The following KIRREL3 variants were observed in gnomAD, a reference collection of about 807,000 sequenced individuals.
The protein encoded by KIRREL3 is kirre like nephrin family adhesion molecule 3.
In KIRREL3, 36 loss-of-function variants were observed where a neutral mutation model predicts 89.7. That is an observed-to-expected ratio of 0.40 (90% CI 0.31 to 0.53). The LOEUF (loss-of-function observed/expected upper bound fraction) is 0.53, where lower values mean the gene tolerates loss of function less well. Ranked by LOEUF, KIRREL3 falls within the 20% of genes least tolerant of loss-of-function variation. KIRREL3 has a pLI of 0.49. For missense variants in KIRREL3, 864 were observed against 1,056.6 expected (o/e 0.82, Z 2.53); for synonymous variants, 445 against 441.4 (o/e 1.01, Z -0.10).
rs1350427705 is a variant in KIRREL3 at position 126,491,328 on chromosome 11, G to T, written c.434-17862C>A. Reference sequence around the variant, plus strand: ...AGCCCAAGGAGGGCGGGCGCGTGCTGGCTCTGAGCGGGTGCTTTATTGTGT... The same window carrying T: ...AGCCCAAGGAGGGCGGGCGCGTGCTTGCTCTGAGCGGGTGCTTTATTGTGT... On this transcript the variant is annotated intron_variant, in intron 4 of 16. Coordinates refer to ENST00000525144, the MANE Select transcript of KIRREL3 (RefSeq NM_032531.4). This position sits in a 1 kb window ranked among gnomAD's most constrained non-coding sequence, Gnocchi z 5.5. Among the ~76,000 whole-genome samples the T allele has an allele frequency of 1.3e-5, 2 of 152,226 alleles. No homozygotes were observed. Among genetic ancestry groups the T allele is most frequent in the Non-Finnish European group, 2.9e-5 (2 of 68,038 alleles).
chr11:126,654,340 T>A (rs1021159831), intron 1 of KIRREL3, among the ~76,000 whole-genome samples: 1 of 37,764 alleles, frequency 2.6e-5, no homozygotes, highest in Non-Finnish European at 8.0e-5. Flanking sequence ...ACTGAAAGTT[T>A]TTTTTTTTTT....
intron 1 of KIRREL3, among the ~76,000 whole-genome samples, chr11:126,737,131 C>A (rs2134209384): frequency 6.6e-6 from 1 of 152,248 alleles, no homozygotes; most frequent in South Asian, 2.1e-4. Context: ...GATGTGCTTG[C>A]CAAGGGGAAA....
intron 1 of KIRREL3, among the ~76,000 whole-genome samples, chr11:126,737,684 C>T (rs758428706): frequency 3.9e-5 from 6 of 152,158 alleles, no homozygotes; most frequent in Non-Finnish European, 7.3e-5. Flanking sequence ...TTTTTAGACA[C>T]AGTGAGCTAG....
At chr11:126,470,877 G>C (rs1956867025) in intron 5 of KIRREL3, among the ~76,000 whole-genome samples, 2 of 152,210 alleles carry the variant, frequency 1.3e-5, no homozygotes, top group Admixed American at 6.5e-5. Flanking sequence ...AGACAAAAGA[G>C]GTTGGCCCAG....
At chr11:126,959,653 A>G (rs899632080) in intron 1 of KIRREL3, among the ~76,000 whole-genome samples, 20 of 152,116 alleles carry the variant, frequency 1.3e-4, no homozygotes, top group African/African-American at 4.3e-4. Context: ...AGATATCTCA[A>G]TGTTCTCCCG....
rs1051380472 is a variant in KIRREL3, at chr11:126,430,201, T to C, written c.1697-913A>G. ...GGCTCACGCCTGTAATCCCAGCACA[T>C]TGGGAGGCCGAGGAAGGCGGACCAC... On this transcript the variant is annotated intron_variant, in intron 14 of 16. Coordinates refer to ENST00000525144, the MANE Select transcript of KIRREL3 (RefSeq NM_032531.4). This position sits in a 1 kb window ranked among gnomAD's most constrained non-coding sequence, Gnocchi z 6.6. Among the ~76,000 whole-genome samples the C allele has an allele frequency of 2.0e-5, 3 of 151,206 alleles. No homozygotes were observed. Among genetic ancestry groups the C allele is most frequent in the Admixed American group, 6.6e-5 (1 of 15,184 alleles).
At position 126,558,128 on chromosome 11, in the gene KIRREL3, C is replaced by T. The variant is rs1332204283; in HGVS notation, c.133+4707G>A. 6.6e-6 allele frequency among the ~76,000 whole-genome samples: 1 copy of T among 152,202 alleles called. No individual in the cohort carries two copies. Among genetic ancestry groups the T allele is most frequent in the Non-Finnish European group, 1.5e-5 (1 of 68,032 alleles). On this transcript the variant is annotated intron_variant, in intron 2 of 16. Transcript: ENST00000525144. The surrounding 1 kb of genome is among the most constrained non-coding windows in gnomAD (Gnocchi z 4.0). ...CACCAGTGTGAGGGAGGAGTACCCT[C>T]CTGTGCAGGCCCCCCTCTGCCCCAA...
At chr11:126,730,487 A>G (rs1405091393) in intron 1 of KIRREL3, among the ~76,000 whole-genome samples, 1 of 152,116 alleles carries the variant, frequency 6.6e-6, no homozygotes, top group Non-Finnish European at 1.5e-5. Flanking sequence ...CATACTACAT[A>G]AGTTTGCTTA....
At position 126,423,530 on chromosome 11, in the gene KIRREL3, G is replaced by A. The variant is rs1035812937; in HGVS notation, c.*1050C>T. 3 of 152,302 alleles carry A rather than the reference G, an allele frequency of 2.0e-5. 1 individual carries two copies. The South Asian group carries it at 6.2e-4, about 32-fold the overall frequency. The allele number at this position is 152,302 out of a possible 1,614,324, so 9.4% of individuals were successfully genotyped here. On this transcript the variant is annotated 3_prime_UTR_variant, in exon 17 of 17. Coordinates refer to ENST00000525144, the MANE Select transcript of KIRREL3 (RefSeq NM_032531.4). The stretch of plus-strand genomic sequence containing the variant: ...GTCCCTAACATTTATTTCAGGTGGT[G>A]ACTAGGAGGGTTGAGGTGTAGATAT...
chr11:126,507,274 G>A (rs1484832068), intron 4 of KIRREL3, among the ~76,000 whole-genome samples: 3 of 152,138 alleles, frequency 2.0e-5, no homozygotes, highest in Non-Finnish European at 4.4e-5. Context: ...TGTGGGGGTG[G>A]TTGCACAACT....
intron 1 of KIRREL3, among the ~76,000 whole-genome samples, chr11:126,700,882 C>T (rs1947289774): frequency 6.6e-6 from 1 of 152,230 alleles, no homozygotes; most frequent in Admixed American, 6.5e-5. Context: ...AGCTCAGTTC[C>T]TTTAAACCCA....
chr11:126,577,636 C>T (rs375927071), intron 1 of KIRREL3, among the ~76,000 whole-genome samples: 1 of 149,076 alleles, frequency 6.7e-6, no homozygotes, highest in Non-Finnish European at 1.5e-5. Context: ...GTGGCAGGTG[C>T]CTGTAACCCC....
At chr11:126,809,499 G>A (rs191936233) in intron 1 of KIRREL3, among the ~76,000 whole-genome samples, 1 of 152,296 alleles carries the variant, frequency 6.6e-6, no homozygotes, top group East Asian at 1.9e-4. Flanking sequence ...AGAATAATAA[G>A]GGTTATAAGT....
chr11:126,500,240 C>A (rs562068836), intron 4 of KIRREL3, among the ~76,000 whole-genome samples: 2 of 152,306 alleles, frequency 1.3e-5, no homozygotes, highest in South Asian at 2.1e-4. Context: ...GTGAGGCTAG[C>A]GTGACTGACT....
At chr11:126,784,432 A>ATAC (rs1404543592) in intron 1 of KIRREL3, among the ~76,000 whole-genome samples, 3 of 152,330 alleles carry the variant, frequency 2.0e-5, no homozygotes, top group Admixed American at 2.0e-4. Context: ...AATAATAATA[A>ATAC]TAAGTGAACA....
At chr11:126,988,205 G>A (rs1254337280) in intron 1 of KIRREL3, among the ~76,000 whole-genome samples, 1 of 152,188 alleles carries the variant, frequency 6.6e-6, no homozygotes, top group African/African-American at 2.4e-5. Flanking sequence ...AAGGGAAGCT[G>A]GGTGATGATG....
At chr11:126,785,522 C>T (rs77060739) in intron 1 of KIRREL3, among the ~76,000 whole-genome samples, 2,801 of 152,160 alleles carry the variant, frequency 0.018, 80 homozygotes, top group African/African-American at 0.06. Context: ...GTGTTACCGT[C>T]TGATGCAATG....
chr11:126,474,601 C>T lies in KIRREL3; in HGVS notation c.434-1135G>A, dbSNP rs1248257180. Among the ~76,000 whole-genome samples the T allele has an allele frequency of 6.6e-6, 1 of 152,246 alleles. No individual in the cohort carries two copies. The highest frequency in any genetic ancestry group is 1.5e-5 in the Non-Finnish European group (1 of 68,042). On this transcript the variant is annotated intron_variant, in intron 4 of 16. Coordinates refer to ENST00000525144, the MANE Select transcript of KIRREL3 (RefSeq NM_032531.4). This position sits in a 1 kb window ranked among gnomAD's most constrained non-coding sequence, Gnocchi z 6.7. Reference sequence around the variant, plus strand: ...ATCCCCAGAGGCAGCCTGATTCTCTCCTGTCCCAGCCTTCCACTGCATTTT... The same window carrying T: ...ATCCCCAGAGGCAGCCTGATTCTCTTCTGTCCCAGCCTTCCACTGCATTTT...
intron 2 of KIRREL3, among the ~76,000 whole-genome samples, chr11:126,549,130 C>G (rs1337639847): frequency 3.3e-5 from 5 of 152,204 alleles, no homozygotes; most frequent in African/African-American, 1.2e-4. Context: ...TTCCATTGCT[C>G]TATTTGTCCC....
Sources: allele counts gnomAD v4.1 joint callset (sites outside exome capture counted in the v4.1 genomes callset), GRCh38; gene constraint gnomAD v4.1.1; non-coding constraint Gnocchi (gnomAD v3.1); transcripts MANE v1.5; gene names NCBI Gene and HGNC (gene_info 2026-07-23, HGNC 2026-07-21).